Variants in PTPRD observed in about 807,000 individuals in gnomAD.
PTPRD encodes the protein receptor-type tyrosine-protein phosphatase delta.
In PTPRD, 34 loss-of-function variants were observed where a neutral mutation model predicts 214.5. The observed-to-expected ratio is 0.16, with a 90% confidence interval of 0.12 to 0.21. PTPRD has a LOEUF of 0.21. Among genes scored for constraint, PTPRD ranks in the 10% least tolerant of loss-of-function variants. PTPRD has a pLI of 1.00. For missense variants in PTPRD, 2,545 were observed against 2,398.7 expected, an observed-to-expected ratio of 1.06 and a Z score of -1.27; for synonymous variants, 1,128 against 845.7, an observed-to-expected ratio of 1.33 and a Z score of -5.79.
intron 8 of PTPRD, among the ~76,000 whole-genome samples, chr9:9,564,040 T>A (rs1569569309): frequency 6.6e-6 from 1 of 152,072 alleles, no homozygotes; most frequent in Admixed American, 6.6e-5. Context: ...TTACCAAGTT[T>A]TCCAGCTCAT....
intron 5 of PTPRD, among the ~76,000 whole-genome samples, chr9:9,775,663 G>T (rs1030724089): frequency 1.2e-4 from 19 of 152,034 alleles, no homozygotes; most frequent in African/African-American, 4.8e-5. Context: ...CGAATTCTTG[G>T]CTGGTTGCGG....
At chr9:9,220,801 G>A (rs1385444321) in intron 9 of PTPRD, among the ~76,000 whole-genome samples, 1 of 152,014 alleles carries the variant, frequency 6.6e-6, no homozygotes, top group Admixed American at 6.6e-5. Flanking sequence ...CGGCCATTTT[G>A]TATTTTTATA....
chr9:9,316,439 A>G (rs1963166743), intron 9 of PTPRD, among the ~76,000 whole-genome samples: 1 of 152,140 alleles, frequency 6.6e-6, no homozygotes, highest in South Asian at 2.1e-4. Context: ...CCTCAAATTA[A>G]AAACAAGACT....
At chr9:8,403,736 A>G (rs573129243) in intron 36 of PTPRD, among the ~76,000 whole-genome samples, 1 of 152,322 alleles carries the variant, frequency 6.6e-6, no homozygotes, top group South Asian at 2.1e-4. Flanking sequence ...CAGTCCACAA[A>G]TTAGATAAAT....
chr9:10,419,304 A>G (rs1304814300), intron 2 of PTPRD, among the ~76,000 whole-genome samples: 1 of 151,884 alleles, frequency 6.6e-6, no homozygotes, highest in Non-Finnish European at 1.5e-5. Flanking sequence ...CTGGACTCTA[A>G]TCTTTTGTTT....
At chr9:8,848,998 T>C (rs769944492) in intron 11 of PTPRD, among the ~76,000 whole-genome samples, 1 of 125,622 alleles carries the variant, frequency 8.0e-6, no homozygotes, top group African/African-American at 2.9e-5. Flanking sequence ...ATTACAACTA[T>C]TACATATCAA....
intron 35 of PTPRD, among the ~76,000 whole-genome samples, chr9:8,430,571 C>G (rs1435225700): frequency 6.6e-6 from 1 of 152,022 alleles, no homozygotes; most frequent in Non-Finnish European, 1.5e-5. Context: ...GCCACTGTGC[C>G]CAGCTGGGAT....
intron 10 of PTPRD, among the ~76,000 whole-genome samples, chr9:9,112,097 C>A (rs954646870): frequency 3.9e-5 from 6 of 152,154 alleles, no homozygotes; most frequent in Non-Finnish European, 5.9e-5. Context: ...AACACATATT[C>A]ATTCTCTTTC....
chr9:10,037,258 C>A (rs1257932546), intron 3 of PTPRD, among the ~76,000 whole-genome samples: 1 of 152,010 alleles, frequency 6.6e-6, no homozygotes, highest in Non-Finnish European at 1.5e-5. Context: ...AATCATAATC[C>A]TCAATGTTGG....
intron 5 of PTPRD, among the ~76,000 whole-genome samples, chr9:9,927,956 G>C (rs2084932736): frequency 2.0e-5 from 3 of 150,892 alleles, no homozygotes. Context: ...GGAAGCCTAA[G>C]TTGTTTGGGT....
chr9:8,455,177 C>CT (rs1337128865), intron 33 of PTPRD, among the ~76,000 whole-genome samples: 1 of 152,158 alleles, frequency 6.6e-6, no homozygotes, highest in African/African-American at 2.4e-5. Context: ...CTTGCCACAT[C>CT]TTTTTTCCCA....
chr9:9,509,826 T>A (rs1002645729), intron 8 of PTPRD, among the ~76,000 whole-genome samples: 1 of 151,542 alleles, frequency 6.6e-6, no homozygotes, highest in African/African-American at 2.4e-5. Flanking sequence ...TTAAAAAATA[T>A]TTTGCTGTCC....
chr9:9,930,515 A>C (rs2086108760), intron 5 of PTPRD, among the ~76,000 whole-genome samples: 2 of 152,188 alleles, frequency 1.3e-5, no homozygotes, highest in South Asian at 4.1e-4. Context: ...TTCATGTGTC[A>C]CTCAAACTGG....
intron 3 of PTPRD, among the ~76,000 whole-genome samples, chr9:10,234,577 T>C (rs1478053817): frequency 6.6e-6 from 1 of 151,896 alleles, no homozygotes; most frequent in Non-Finnish European, 1.5e-5. Context: ...CAAGGAACAA[T>C]TAAGAATTAT....
chr9:8,702,274 T>A (rs894000132), intron 12 of PTPRD, among the ~76,000 whole-genome samples: 3 of 145,168 alleles, frequency 2.1e-5, no homozygotes, highest in South Asian at 2.2e-4. Context: ...AAAAAAAAAA[T>A]GCTCTGAGTG....
chr9:9,997,689 C>T (rs1171666318), intron 4 of PTPRD, among the ~76,000 whole-genome samples: 1 of 152,008 alleles, frequency 6.6e-6, no homozygotes, highest in Non-Finnish European at 1.5e-5. Context: ...ATAGAAACAG[C>T]TCCTGAAACG....
Position 9,924,940 on chromosome 9 carries a change from CTT to C in PTPRD, c.-368+13565_-368+13566del, listed in dbSNP as rs1232100975. ...AGAGTGCATGAAATACTAATCATCTCTTGTGTTAGTAATAGAATTTGTAAATT... is the reference window on the plus strand; with the variant it reads ...AGAGTGCATGAAATACTAATCATCTCGTGTTAGTAATAGAATTTGTAAATT... On this transcript the variant is annotated intron_variant, in intron 5 of 45. Coordinates refer to ENST00000381196, the MANE Select transcript of PTPRD (RefSeq NM_002839.4). Among the ~76,000 whole-genome samples the C allele has an allele frequency of 2.0e-5, 3 of 152,154 alleles. No homozygotes were observed. In the East Asian group the frequency reaches 5.8e-4, roughly 29 times the overall value.
intron 10 of PTPRD, among the ~76,000 whole-genome samples, chr9:9,103,408 G>A (rs1369304446): frequency 6.6e-6 from 1 of 151,874 alleles, no homozygotes; most frequent in Non-Finnish European, 1.5e-5. Context: ...GAGTTAGCAT[G>A]AAAAAATTTT....
At chr9:10,077,883 T>C (rs2098160716) in intron 3 of PTPRD, among the ~76,000 whole-genome samples, 1 of 152,056 alleles carries the variant, frequency 6.6e-6, no homozygotes, top group Non-Finnish European at 1.5e-5. Flanking sequence ...TAAATAGCCT[T>C]CTCTGTTCAT....
Sources: allele counts gnomAD v4.1 joint callset (sites outside exome capture counted in the v4.1 genomes callset), GRCh38; gene constraint gnomAD v4.1.1; transcripts MANE v1.5; gene names NCBI Gene and HGNC (gene_info 2026-07-23, HGNC 2026-07-21).